Variants in ST13 observed in about 807,000 individuals in gnomAD.
The protein encoded by ST13 is ST13 Hsp70 interacting protein.
In ST13, 23 loss-of-function variants were observed where a neutral mutation model predicts 56.7. The observed-to-expected ratio is 0.41, with a 90% CI of 0.29 to 0.57. The LOEUF (loss-of-function observed/expected upper bound fraction) is 0.57. ST13 is among the 20% of genes least tolerant of loss of function. ST13 has a pLI of 0.36. For missense variants in ST13, 369 were observed against 459.9 expected, an observed-to-expected ratio of 0.80 and a Z score of 1.81; for synonymous variants, 132 against 142.4, an observed-to-expected ratio of 0.93 and a Z score of 0.52.
chr22:40,840,830 AATT>A, intron 4 of ST13, 138 bp from the exon 5 acceptor site: 2 of 673,672 alleles, frequency 3.0e-6, no homozygotes, highest in South Asian at 4.0e-5. Flanking sequence ...ACAAAGAGAC[AATT>A]ATGATAACTC....
chr22:40,833,146 T>A (rs917248454), intron 7 of ST13, among the ~76,000 whole-genome samples: 2 of 152,214 alleles, frequency 1.3e-5, no homozygotes, highest in Non-Finnish European at 2.9e-5. Flanking sequence ...CAACGAAAAC[T>A]GAGAATTCAC....
chr22:40,848,042 C>G (rs532533360), intron 3 of ST13, among the ~76,000 whole-genome samples: 2 of 151,870 alleles, frequency 1.3e-5, no homozygotes, highest in East Asian at 3.9e-4. Context: ...AGCACGACTC[C>G]ATCTCAAAAA....
At position 40,826,304 on chromosome 22, in the gene ST13, T is replaced by C. The variant is rs1063981; in HGVS notation, c.*234A>G. The stretch of plus-strand genomic sequence containing the variant: ...TTAAATATTTTGAAGATTTAAAAAG[T>C]GTTTAAAGTTTGTAATTCCTAGTAG... On this transcript the variant is annotated 3_prime_UTR_variant, in exon 12 of 12. Transcript: ENST00000216218. The C allele has an allele frequency of 1.5e-5, 5 of 338,220 alleles. No homozygotes were observed. The highest frequency in any genetic ancestry group is 2.7e-5 in the Non-Finnish European group (5 of 187,644). The allele number at this position is 338,220 out of a possible 1,614,324, so 21.0% of individuals were successfully genotyped here.
intron 5 of ST13, among the ~76,000 whole-genome samples, chr22:40,838,078 G>C (rs1188778289): frequency 2.0e-5 from 3 of 152,102 alleles, no homozygotes; most frequent in Admixed American, 2.0e-4. Flanking sequence ...TCTGGAAAGG[G>C]CCAAATAAGA....
At chr22:40,835,353 A>C in intron 7 of ST13, 2 of 412,838 alleles carry the variant, frequency 4.8e-6, no homozygotes, top group South Asian at 5.0e-5. Flanking sequence ...TCCTTCCTAT[A>C]TTCTCACTTC....
intron 5 of ST13, among the ~76,000 whole-genome samples, chr22:40,837,521 C>T (rs956582956): frequency 1.2e-4 from 18 of 152,220 alleles, no homozygotes; most frequent in Non-Finnish European, 2.2e-4. Flanking sequence ...TGGCGCATGC[C>T]TGTAATCCCA....
rs115419930 is a variant in ST13, at chr22:40,850,685, A to G, written c.168+138T>C. 1,697 of 645,868 alleles carry G rather than the reference A, an allele frequency of 2.6e-3. 23 individuals carry two copies. The African/African-American group carries it at 0.03, about 12-fold the overall frequency. The allele number at this position is 645,868 out of a possible 1,614,324, so 40.0% of individuals were successfully genotyped here. A position where few individuals can be genotyped will look rare whatever the true frequency, so the allele number is the denominator to read the frequency against. ...CGGGTCTACAAAGTTATAAAGATAA[A>G]GAGGTCTTAAAAGGTCTTATTTCCA... On this transcript the variant is annotated intron_variant, in intron 2 of 11. Transcript: ENST00000216218.
At position 40,835,369 on chromosome 22, in the gene ST13, T is replaced by G. The variant is rs142052987; in HGVS notation, c.578+191A>C. ...CCTTCCTATATTCTCACTTCTTCTT[T>G]TAAATTTCTTTTTTTTTTCTTTTAC... On this transcript the variant is annotated intron_variant, in intron 7 of 11. Coordinates refer to ENST00000216218, the MANE Select transcript of ST13 (RefSeq NM_003932.5). 2,169 of 463,798 alleles carry G rather than the reference T, an allele frequency of 4.7e-3. 5 individuals are homozygous for G. Among genetic ancestry groups the G allele is most frequent in the Non-Finnish European group, 5.8e-3 (1,470 of 254,474 alleles). 28.7% of individuals were successfully genotyped at this position (463,798 alleles called of 1,614,324 possible).
At chr22:40,850,537 G>A (rs557687671) in intron 2 of ST13, among the ~76,000 whole-genome samples, 3 of 152,136 alleles carry the variant, frequency 2.0e-5, no homozygotes, top group Admixed American at 6.5e-5. Context: ...TGAAGACTAC[G>A]GATGCACACC....
chr22:40,840,161 C>A (rs1354913767), intron 5 of ST13, among the ~76,000 whole-genome samples: 1 of 151,928 alleles, frequency 6.6e-6, no homozygotes, highest in African/African-American at 2.4e-5. Context: ...AAAAAACCAA[C>A]CAAACAAACA....
In ST13 at chr22:40,835,694, A is replaced by C. The variant is rs767287443; in HGVS notation, c.468-24T>G. 2.1e-5 allele frequency: 34 copies of C among 1,607,428 alleles called. No individual in the cohort carries two copies. The South Asian group carries it at 3.6e-4, about 17-fold the overall frequency. On this transcript the variant is annotated intron_variant, in intron 6 of 11. Coordinates refer to ENST00000216218, the MANE Select transcript of ST13 (RefSeq NM_003932.5). The stretch of plus-strand genomic sequence containing the variant: ...CACTGAAAAATAAGTGTGTTATTAA[A>C]AAGTATTCATTTCAGTAAAAGTTTT...
At chr22:40,843,248 T>C (rs1202438777) in intron 4 of ST13, among the ~76,000 whole-genome samples, 2 of 152,222 alleles carry the variant, frequency 1.3e-5, no homozygotes, top group Non-Finnish European at 2.9e-5. Context: ...AGATATATCT[T>C]TTCCCGAACT....
chr22:40,834,192 G>C (rs1223526713), intron 7 of ST13, among the ~76,000 whole-genome samples: 1 of 151,746 alleles, frequency 6.6e-6, no homozygotes, highest in Non-Finnish European at 1.5e-5. Flanking sequence ...GACTGAGGCA[G>C]GATAATCACT....
chr22:40,832,743 C>T, intron 7 of ST13, 72 bp from the exon 8 acceptor site: 2 of 1,188,016 alleles, frequency 1.7e-6, no homozygotes, highest in Non-Finnish European at 2.4e-6. Flanking sequence ...ATCTTTCTTC[C>T]TTACAAAAAA....
At chr22:40,841,349 G>A (rs1437310857) in intron 4 of ST13, among the ~76,000 whole-genome samples, 1 of 151,990 alleles carries the variant, frequency 6.6e-6, no homozygotes, top group Non-Finnish European at 1.5e-5. Context: ...TAGCCTGGGT[G>A]ACACAGAGCA....
chr22:40,851,326 T>C (rs879711574), intron 1 of ST13, among the ~76,000 whole-genome samples: 17 of 152,220 alleles, frequency 1.1e-4, no homozygotes, highest in Non-Finnish European at 2.4e-4. Context: ...ATGATATAAT[T>C]CAAAATGTTT....
intron 4 of ST13, among the ~76,000 whole-genome samples, chr22:40,842,808 C>T (rs2057810836): frequency 6.6e-6 from 1 of 152,170 alleles, no homozygotes; most frequent in Non-Finnish European, 1.5e-5. Flanking sequence ...TTTAAAGTTT[C>T]CTTTGACAAA....
At chr22:40,847,460 AAT>A (rs2057837896) in intron 3 of ST13, among the ~76,000 whole-genome samples, 1 of 151,938 alleles carries the variant, frequency 6.6e-6, no homozygotes, top group East Asian at 1.9e-4. Flanking sequence ...GAGGCATGAG[AAT>A]TGATTGAACC....
intron 4 of ST13, among the ~76,000 whole-genome samples, chr22:40,843,112 A>G (rs1406436898): frequency 6.6e-6 from 1 of 152,182 alleles, no homozygotes; most frequent in Non-Finnish European, 1.5e-5. Context: ...AGAGTGAGAC[A>G]CTGTCTCAAA....
Sources: gnomAD v4.1 joint callset for allele counts (sites outside exome capture counted in the v4.1 genomes callset) on GRCh38, gnomAD v4.1.1 for gene constraint, MANE v1.5 for transcripts, NCBI Gene and HGNC (gene_info 2026-07-23, HGNC 2026-07-21) for gene names.